The following PI16 variants were observed in gnomAD, a reference collection of about 807,000 sequenced individuals.
PI16 encodes PSP94-binding protein.
A neutral mutation model predicts 38.0 loss-of-function variants in PI16; 35 were observed. That is an observed-to-expected ratio of 0.92 (90% CI 0.70 to 1.22). PI16 has a LOEUF of 1.22. PI16 is among the 50% of genes most tolerant of loss of function. The pLI is 0.00. For synonymous variants in PI16, 275 were observed against 252.9 expected (o/e 1.09, Z -0.83); for missense variants, 572 against 593.8 (o/e 0.96, Z 0.38).
At chr6:36,950,020 T>C (rs899084077), upstream of PI16, among the ~76,000 whole-genome samples, 2 of 152,318 alleles carry the variant, frequency 1.3e-5, no homozygotes, top group Non-Finnish European at 2.9e-5. The surrounding 1 kb of genome is among the most constrained non-coding windows in gnomAD (Gnocchi z 4.2). Context: ...TGGTGGTTGT[T>C]ACTGTGGTAA....
At position 36,963,433 on chromosome 6, in the gene PI16, C is replaced by T. The variant is rs1417764558; in HGVS notation, c.1091C>T (p.Pro364Leu). 1 of 1,614,188 alleles carries T rather than the reference C, an allele frequency of 6.2e-7. No homozygotes were observed. The highest frequency in any genetic ancestry group is 1.7e-5 in the Admixed American group (1 of 60,034). The part of the protein sequence containing the change: ...QEEAEAEAEL[P>L]PSSEVLASVF... ...GAGGCTGAGGCTGAGGCTGAGTTGCCTCCTTCCAGTGAGGTCTTGGCCTCA... is the reference window on the plus strand; with the variant it reads ...GAGGCTGAGGCTGAGGCTGAGTTGCTTCCTTCCAGTGAGGTCTTGGCCTCA... Residue 364 changes from proline to leucine, a missense_variant, in exon 5 of 7, where the codon CCT becomes CTT. Pro to Leu is a moderately conservative substitution (Grantham distance 98). Transcript: ENST00000373674.
rs1347844750 is a variant in PI16 at position 36,962,289 on chromosome 6, T to C, written c.592+315T>C. Among the ~76,000 whole-genome samples, 1 of 151,850 alleles carries C rather than the reference T, an allele frequency of 6.6e-6. No individual in the cohort carries two copies. The highest frequency in any genetic ancestry group is 1.5e-5 in the Non-Finnish European group (1 of 67,956). ...GAGGAGCGGGCTGGGGCCAGACCGG[T>C]GGGCGTGGTCAGAAGGCTTCAAACG... On this transcript the variant is annotated intron_variant, in intron 4 of 6. Coordinates refer to ENST00000373674, the MANE Select transcript of PI16 (RefSeq NM_153370.3). The surrounding 1 kb of genome is among the most constrained non-coding windows in gnomAD (Gnocchi z 4.1).
rs1583241005 is a variant in PI16 at position 36,964,048 on chromosome 6, C to G, written c.*18+86C>G. The G allele has an allele frequency of 2.1e-6, 3 of 1,457,350 alleles. No homozygotes were observed. In the East Asian group the frequency reaches 7.0e-5, roughly 34 times the overall value. The allele number at this position is 1,457,350 out of a possible 1,614,324, so 90.3% of individuals were successfully genotyped here. On this transcript the variant is annotated intron_variant, in intron 6 of 6. Coordinates refer to ENST00000373674, the MANE Select transcript of PI16 (RefSeq NM_153370.3). ...AGAGACCACAGCTTCCTGGGCAGGT[C>G]CTGCTCTGTGGCCCAGCAGCCCCCC...
chr6:36,956,949 T>C (rs1417234261), intron 1 of PI16, among the ~76,000 whole-genome samples: 4 of 152,168 alleles, frequency 2.6e-5, no homozygotes, highest in Non-Finnish European at 5.9e-5. Context: ...GTCCTTGAAA[T>C]CTAACCCTTA....
chr6:36,961,834 G>T, intron 3 of PI16, 52 bp from the exon 4 acceptor site: 14 of 1,420,480 alleles, frequency 9.9e-6, no homozygotes, highest in Non-Finnish European at 1.4e-5. Context: ...GTTGGGGAGA[G>T]GGTTGGGAGG....
At chr6:36,951,857 C>T (rs537502043), upstream of PI16, among the ~76,000 whole-genome samples, 249 of 152,050 alleles carry the variant, frequency 1.6e-3, no homozygotes, top group Middle Eastern at 6.8e-3. Context: ...CAAGATTGCG[C>T]GAGTGCACTC....
chr6:36,950,710 A>G (rs902764060), upstream of PI16, among the ~76,000 whole-genome samples: 1 of 151,972 alleles, frequency 6.6e-6, no homozygotes, highest in Non-Finnish European at 1.5e-5. This position sits in a 1 kb window ranked among gnomAD's most constrained non-coding sequence, Gnocchi z 4.2. Context: ...CACCCGGCTA[A>G]TTTTGCGCTT....
rs143532329 is a variant in PI16 at position 36,954,833 on chromosome 6, G to A, written c.73G>A (p.Val25Ile). The A allele has an allele frequency of 4.6e-5, 75 of 1,613,812 alleles. No individual in the cohort carries two copies. The highest frequency in any genetic ancestry group is 5.3e-5 in the Non-Finnish European group (62 of 1,179,980). The change falls in exon 1 of 7, where the codon GTT (valine) becomes ATT (isoleucine). Residue 25 changes from valine to isoleucine, a missense_variant. Physicochemically the swap from Val to Ile is conservative, Grantham distance 29. Transcript: ENST00000373674. ...ACTGCTGGTGGCCACCACAGGCCCCGTTGGAGCCCTCACAGATGAGGAGAA... is the reference window on the plus strand; with the variant it reads ...ACTGCTGGTGGCCACCACAGGCCCCATTGGAGCCCTCACAGATGAGGAGAA... ...LLLLVATTGPVGALTDEEKRL... is the reference protein window; with the variant it reads ...LLLLVATTGPIGALTDEEKRL...
upstream of PI16, among the ~76,000 whole-genome samples, chr6:36,954,044 C>T (rs115123534): frequency 2.0e-5 from 3 of 152,206 alleles, no homozygotes; most frequent in East Asian, 3.9e-4. Context: ...CCTCTCCCCC[C>T]GCAGGCAAGA....
intron 1 of PI16, among the ~76,000 whole-genome samples, 159 bp from the exon 2 acceptor site, chr6:36,958,986 A>T (rs962070360): frequency 1.3e-5 from 2 of 152,036 alleles, no homozygotes; most frequent in African/African-American, 4.8e-5. Context: ...ACCGCCCCAC[A>T]GACGCCCACC....
upstream of PI16, among the ~76,000 whole-genome samples, chr6:36,952,246 G>C (rs1203146619): frequency 6.6e-6 from 1 of 152,004 alleles, no homozygotes. Context: ...CACCCACCTT[G>C]GCCTCTCAAA....
At position 36,959,349 on chromosome 6, in the gene PI16, T is replaced by G; in HGVS notation, c.376T>G (p.Cys126Gly). The G allele has an allele frequency of 6.4e-7, 1 of 1,560,398 alleles. No homozygotes were observed. Among genetic ancestry groups the G allele is most frequent in the Non-Finnish European group, 8.7e-7 (1 of 1,152,786 alleles). Residue 126 changes from cysteine to glycine, a missense_variant, in exon 2 of 7, where the codon TGC (cysteine) becomes GGC (glycine). Physicochemically the swap from Cys to Gly is radical, Grantham distance 159. Coordinates refer to ENST00000373674, the MANE Select transcript of PI16 (RefSeq NM_153370.3). ...SAATCSPGQM[C>G]GHYTQVVWAK... ...CGCCACCTGCAGCCCAGGCCAGATG[T>G]GCGGCCACTACACGCAGGTGTGGGC... is the stretch of plus-strand genomic sequence containing the variant.
intron 1 of PI16, among the ~76,000 whole-genome samples, chr6:36,955,172 T>C (rs564716279): frequency 1.4e-4 from 21 of 152,234 alleles, no homozygotes; most frequent in African/African-American, 5.1e-4. Flanking sequence ...AGCCTCATAA[T>C]ACAGATAAGG....
intron 1 of PI16, 72 bp downstream of exon 1, chr6:36,955,003 T>G: frequency 2.0e-6 from 3 of 1,511,616 alleles, no homozygotes; most frequent in Non-Finnish European, 2.7e-6. Context: ...CAGGCTCTCT[T>G]ACCCTGCTCC....
intron 1 of PI16, among the ~76,000 whole-genome samples, chr6:36,958,386 C>G (rs983426070): frequency 5.9e-5 from 9 of 152,204 alleles, no homozygotes; most frequent in African/African-American, 1.9e-4. Context: ...GCAAAGGCCC[C>G]GAACCTAAAA....
intron 1 of PI16, among the ~76,000 whole-genome samples, chr6:36,948,644 TCCTC>T (rs1763051143): frequency 1.4e-5 from 1 of 71,208 alleles, no homozygotes; most frequent in African/African-American, 6.3e-5. Context: ...CTTCCCTCCT[TCCTC>T]CCTCCCTCCT....
chr6:36,964,652 T>A lies in PI16; in HGVS notation c.*285T>A, dbSNP rs1185144131. The stretch of plus-strand genomic sequence containing the variant: ...GAGGGAGCTCACTGCCTACCTGGCC[T>A]GGGGCTGTCTGCCCACACAGCATGT... On this transcript the variant is annotated 3_prime_UTR_variant, in exon 7 of 7. Coordinates refer to ENST00000373674, the MANE Select transcript of PI16 (RefSeq NM_153370.3). 6.6e-6 allele frequency: 1 copy of A among 152,452 alleles called. No homozygotes were observed. Among genetic ancestry groups the A allele is most frequent in the Non-Finnish European group, 1.5e-5 (1 of 68,296 alleles). 9.4% of individuals were successfully genotyped at this position (152,452 alleles called of 1,614,324 possible).
upstream of PI16, among the ~76,000 whole-genome samples, chr6:36,953,940 A>G (rs1763142568): frequency 6.6e-6 from 1 of 152,266 alleles, no homozygotes; most frequent in Non-Finnish European, 1.5e-5. Flanking sequence ...GAGCATGTCA[A>G]GCACATGCAT....
intron 6 of PI16, 47 bp downstream of exon 6, chr6:36,964,009 T>C: frequency 1.3e-6 from 2 of 1,554,216 alleles, no homozygotes; most frequent in Non-Finnish European, 1.7e-6. Context: ...ACCTGGATTG[T>C]CTTCCTCCAA....
Sources: allele counts gnomAD v4.1 joint callset (sites outside exome capture counted in the v4.1 genomes callset), GRCh38; gene constraint gnomAD v4.1.1; non-coding constraint Gnocchi (gnomAD v3.1); transcripts MANE v1.5; gene names NCBI Gene and HGNC (gene_info 2026-07-23, HGNC 2026-07-21).